TENM2: variants seen among roughly 807,000 people sequenced by gnomAD.
TENM2 encodes teneurin-2.
A neutral mutation model predicts 245.2 loss-of-function variants in TENM2; 52 were observed. That is an observed-to-expected ratio of 0.21 (90% confidence interval 0.17 to 0.27). The LOEUF is 0.27. Ranked by LOEUF, TENM2 falls within the 10% of genes least tolerant of loss-of-function variation. The probability of loss-of-function intolerance (pLI) is 1.00; values close to 1 mark genes in which losing one functional copy is unlikely to be tolerated. For missense variants in TENM2, 3,046 were observed against 3,666.8 expected, an observed-to-expected ratio of 0.83 and a Z score of 4.37; for synonymous variants, 1,363 against 1,438.9, an observed-to-expected ratio of 0.95 and a Z score of 1.19.
chr5:167,211,253 A>G, the TENM2 span, among the ~76,000 whole-genome samples: 1 of 152,226 alleles, frequency 6.6e-6, no homozygotes, highest in African/African-American at 2.4e-5. Context: ...TCAACCTGCT[A>G]AGGTTTTATA....
intron 2 of TENM2, among the ~76,000 whole-genome samples, chr5:167,636,320 T>C (rs1480697875): frequency 1.3e-5 from 2 of 152,240 alleles, no homozygotes; most frequent in Non-Finnish European, 2.9e-5. Context: ...TAATCACCTA[T>C]ACAATTAGCT....
intron 13 of TENM2, among the ~76,000 whole-genome samples, chr5:168,188,033 T>A (rs968536688): frequency 1.3e-5 from 2 of 152,212 alleles, no homozygotes; most frequent in African/African-American, 4.8e-5. Context: ...GAGGCTAGTT[T>A]TAGTAATTTA....
intron 2 of TENM2, among the ~76,000 whole-genome samples, chr5:167,455,235 T>C (rs777463026): frequency 1.2e-4 from 18 of 152,196 alleles, no homozygotes; most frequent in Non-Finnish European, 2.2e-4. Flanking sequence ...GAGTGAACAC[T>C]AGAACAATAA....
chr5:168,258,553 G>C (rs1023025825), intron 27 of TENM2, among the ~76,000 whole-genome samples: 1 of 152,068 alleles, frequency 6.6e-6, no homozygotes, highest in East Asian at 1.9e-4. Context: ...CTGGTAAATG[G>C]ATAAACAAAG....
chr5:167,207,622 C>T, the TENM2 span, among the ~76,000 whole-genome samples: 2 of 152,180 alleles, frequency 1.3e-5, no homozygotes, highest in Non-Finnish European at 2.9e-5. Flanking sequence ...CTCTCTGTTC[C>T]AGGCACTCTC....
At chr5:167,503,373 G>A (rs376149820) in intron 2 of TENM2, among the ~76,000 whole-genome samples, 3 of 152,198 alleles carry the variant, frequency 2.0e-5, no homozygotes, top group African/African-American at 7.2e-5. Context: ...GAAATGCAGT[G>A]TTTGGAAAGG....
rs575960979 is a variant in TENM2, at chr5:168,036,677, G to GTGTATATA, written c.1187-10749_1187-10748insGTATATAT. Among the ~76,000 whole-genome samples the GTGTATATA allele has an allele frequency of 1.1e-4, 13 of 117,794 alleles. No homozygotes were observed. In the East Asian group the frequency reaches 1.2e-3, roughly 11 times the overall value. The allele number at this position is 117,794 out of a possible 152,430, so 77.3% of individuals were successfully genotyped here. A position where few individuals can be genotyped will look rare whatever the true frequency, so the allele number is the denominator to read the frequency against. ...ATATATATATATAATATATGTATGTGTATATATATATATATATATATATGT... is the reference window on the plus strand; with the variant it reads ...ATATATATATATAATATATGTATGTGTGTATATATATATATATATATATATATATATGT... On this transcript the variant is annotated intron_variant, in intron 5 of 28. Transcript: ENST00000518659.
chr5:167,174,660 C>T, the TENM2 span, among the ~76,000 whole-genome samples: 1 of 151,896 alleles, frequency 6.6e-6, no homozygotes, highest in African/African-American at 2.4e-5. Flanking sequence ...TCATAATTAC[C>T]TTTGTGTGTG....
At chr5:167,677,221 T>A (rs1174087801) in intron 2 of TENM2, among the ~76,000 whole-genome samples, 1 of 152,138 alleles carries the variant, frequency 6.6e-6, no homozygotes, top group African/African-American at 2.4e-5. Flanking sequence ...TTATTTTAAT[T>A]ATTCCTAATG....
At chr5:167,298,831 CAG>C (rs1486772870) in intron 1 of TENM2, among the ~76,000 whole-genome samples, 1 of 152,142 alleles carries the variant, frequency 6.6e-6, no homozygotes, top group Non-Finnish European at 1.5e-5. Context: ...CTTGGAGAAA[CAG>C]TGTAAACTGG....
At chr5:167,037,069 A>G in the TENM2 span, among the ~76,000 whole-genome samples, 86 of 152,332 alleles carry the variant, frequency 5.6e-4, no homozygotes, top group African/African-American at 8.9e-4. Context: ...TCAACAAACT[A>G]TCTCTCCTTT....
intron 17 of TENM2, among the ~76,000 whole-genome samples, chr5:168,201,521 C>T (rs986884455): frequency 7.2e-5 from 11 of 152,142 alleles, no homozygotes; most frequent in African/African-American, 2.7e-4. Context: ...TTTTCTGAAG[C>T]AAGCCCTAGA....
In TENM2 at chr5:168,247,938, C is replaced by G. The variant is rs1766744234; in HGVS notation, c.6999C>G (p.Thr2333=). The G allele has an allele frequency of 1.2e-6, 2 of 1,613,982 alleles. No homozygotes were observed. The highest frequency in any genetic ancestry group is 1.7e-6 in the Non-Finnish European group (2 of 1,179,872). Reference sequence around the variant, plus strand: ...ACCTCCACAACCCGACGCGCATCACCCATGTCTACAATCACTCCAACTCGG... The same window carrying G: ...ACCTCCACAACCCGACGCGCATCACGCATGTCTACAATCACTCCAACTCGG... Residue 2333 remains threonine, a synonymous_variant, in exon 27 of 29, where the codon ACC becomes ACG. Coordinates refer to ENST00000518659, the Ensembl canonical transcript of TENM2. The surrounding 1 kb of genome is among the most constrained non-coding windows in gnomAD (Gnocchi z 7.8).
At chr5:167,246,617 G>A in the TENM2 span, among the ~76,000 whole-genome samples, 5 of 151,972 alleles carry the variant, frequency 3.3e-5, no homozygotes, top group Non-Finnish European at 5.9e-5. Flanking sequence ...ATGCCTAACC[G>A]TATCCTCAAA....
intron 2 of TENM2, among the ~76,000 whole-genome samples, chr5:167,689,691 C>T (rs1052021210): frequency 6.6e-6 from 1 of 152,214 alleles, no homozygotes; most frequent in African/African-American, 2.4e-5. Context: ...CCCGTTTATG[C>T]TAAATTCTAT....
chr5:168,112,558 T>C (rs1287476244), intron 9 of TENM2, among the ~76,000 whole-genome samples: 2 of 144,788 alleles, frequency 1.4e-5, no homozygotes, highest in Non-Finnish European at 3.0e-5. Flanking sequence ...CATTCCTTTT[T>C]ATTGCTGCAT....
At chr5:167,703,384 T>C (rs987271569) in intron 2 of TENM2, among the ~76,000 whole-genome samples, 27 of 151,966 alleles carry the variant, frequency 1.8e-4, no homozygotes, top group Admixed American at 6.6e-5. Context: ...CTACAAAAAT[T>C]AGCCGAGCAT....
intron 12 of TENM2, among the ~76,000 whole-genome samples, chr5:168,158,848 TATACACAC>T (rs1757466971): frequency 3.4e-5 from 2 of 58,698 alleles, no homozygotes; most frequent in South Asian, 8.3e-4. Context: ...TATATATATA[TATACACAC>T]ACACACACAC....
At chr5:167,480,629 A>G (rs1037971987) in intron 2 of TENM2, among the ~76,000 whole-genome samples, 9 of 152,192 alleles carry the variant, frequency 5.9e-5, no homozygotes, top group African/African-American at 2.2e-4. Flanking sequence ...TGATTCATAC[A>G]TCACTTCTTA....
Sources: allele counts gnomAD v4.1 joint callset (sites outside exome capture counted in the v4.1 genomes callset), GRCh38; gene constraint gnomAD v4.1.1; non-coding constraint Gnocchi (gnomAD v3.1); transcripts MANE v1.5; gene names NCBI Gene and HGNC (gene_info 2026-07-23, HGNC 2026-07-21).